The following BRAF variants were observed in gnomAD, a reference collection of about 807,000 sequenced individuals.
BRAF encodes serine/threonine-protein kinase B-raf.
A neutral mutation model predicts 104.6 loss-of-function variants in BRAF; 16 were observed. That is an observed-to-expected ratio of 0.15 (90% CI 0.10 to 0.23). The LOEUF (loss-of-function observed/expected upper bound fraction) is 0.23, where lower values mean the gene tolerates loss of function less well. Ranked by LOEUF, BRAF falls within the 10% of genes least tolerant of loss-of-function variation. The probability of loss-of-function intolerance (pLI) is 1.00; values close to 1 mark genes in which losing one functional copy is unlikely to be tolerated. For synonymous variants in BRAF, 310 were observed against 341.6 expected, an observed-to-expected ratio of 0.91 and a Z score of 1.02; for missense variants, 541 against 937.3, an observed-to-expected ratio of 0.58 and a Z score of 5.52.
intron 2 of BRAF, among the ~76,000 whole-genome samples, chr7:140,842,293 T>C (rs543062333): frequency 2.0e-4 from 30 of 152,322 alleles, no homozygotes; most frequent in South Asian, 1.5e-3. Flanking sequence ...TGTGCCTGAA[T>C]TGCTTCATTT....
intron 1 of BRAF, among the ~76,000 whole-genome samples, chr7:140,881,301 C>T (rs1312279280): frequency 6.6e-6 from 1 of 152,192 alleles, no homozygotes; most frequent in Non-Finnish European, 1.5e-5. Context: ...TAAGAGTCAG[C>T]CTGTCCTTTG....
intron 1 of BRAF, among the ~76,000 whole-genome samples, chr7:140,892,856 AGAG>A (rs1407576722): frequency 1.3e-5 from 2 of 152,344 alleles, no homozygotes; most frequent in Admixed American, 6.5e-5. Context: ...ACAGTTTGCT[AGAG>A]GAGAGAACTG....
intron 2 of BRAF, among the ~76,000 whole-genome samples, chr7:140,841,115 C>T (rs1452250414): frequency 6.6e-6 from 1 of 151,854 alleles, no homozygotes; most frequent in African/African-American, 2.4e-5. Flanking sequence ...ATACAAATGG[C>T]TAACAAGAAC....
chr7:140,910,054 T>C (rs1563032344), intron 1 of BRAF, among the ~76,000 whole-genome samples: 1 of 152,192 alleles, frequency 6.6e-6, no homozygotes, highest in Non-Finnish European at 1.5e-5. Context: ...AATAGTGTCC[T>C]CTTCCTCCAT....
intron 19 of BRAF, chr7:140,726,566 C>G: frequency 5.6e-6 from 8 of 1,429,444 alleles, no homozygotes; most frequent in South Asian, 4.9e-5. Context: ...CTCAAATAAC[C>G]TAGAGACACA....
chr7:140,897,496 T>TC (rs1260341416), intron 1 of BRAF, among the ~76,000 whole-genome samples: 2 of 138,448 alleles, frequency 1.4e-5, no homozygotes, highest in Non-Finnish European at 3.1e-5. Context: ...CTTTTTTCTT[T>TC]TTTTTTTTTT....
intron 19 of BRAF, chr7:140,731,565 G>C (rs940165265): frequency 1.3e-5 from 2 of 152,096 alleles, no homozygotes; most frequent in Non-Finnish European, 2.9e-5. Context: ...TGAGAGAAAG[G>C]CCATTTAAGC....
chr7:140,726,590 T>C, intron 19 of BRAF: 1 of 1,259,428 alleles, frequency 7.9e-7, no homozygotes, highest in African/African-American at 1.5e-5. Flanking sequence ...AAGCCTCATT[T>C]GAGCTTCACT....
rs1051968595 is a variant in BRAF at position 140,728,225 on chromosome 7, T to C, written c.2402-1709A>G. Among the ~76,000 whole-genome samples, 5 of 152,154 alleles carry C rather than the reference T, an allele frequency of 3.3e-5. No individual in the cohort carries two copies. In the East Asian group the frequency reaches 9.6e-4, roughly 29 times the overall value. On this transcript the variant is annotated intron_variant, in intron 19 of 19. Transcript: ENST00000644969. The stretch of plus-strand genomic sequence containing the variant: ...ATGAGGCAGATGCTATCATCTATAT[T>C]ATATAGATGAGGAAGCCAGGGTTTA...
At chr7:140,843,581 C>T (rs191006968) in intron 2 of BRAF, among the ~76,000 whole-genome samples, 1 of 152,310 alleles carries the variant, frequency 6.6e-6, no homozygotes, top group African/African-American at 2.4e-5. Context: ...AATTTCCCAT[C>T]TCTCTGCTTT....
chr7:140,830,251 T>C (rs1806574621), intron 3 of BRAF, among the ~76,000 whole-genome samples: 1 of 152,228 alleles, frequency 6.6e-6, no homozygotes, highest in Non-Finnish European at 1.5e-5. Context: ...GTCATATTTA[T>C]AAATAAAAAT....
chr7:140,840,158 T>C (rs10280111), intron 2 of BRAF, among the ~76,000 whole-genome samples: 4,375 of 152,268 alleles, frequency 0.029, 210 homozygotes, highest in African/African-American at 0.098. Context: ...TATACTAGAC[T>C]TTGCTCTTAC....
chr7:140,756,601 T>C (rs1798225994), intron 14 of BRAF, among the ~76,000 whole-genome samples: 1 of 150,790 alleles, frequency 6.6e-6, no homozygotes, highest in Non-Finnish European at 1.5e-5. Flanking sequence ...TGTTTGGGAG[T>C]AGGGAAGGGA....
At chr7:140,770,692 T>C (rs776221373) in intron 14 of BRAF, among the ~76,000 whole-genome samples, 1 of 151,968 alleles carries the variant, frequency 6.6e-6, no homozygotes, top group Non-Finnish European at 1.5e-5. Context: ...TCCCAGCACT[T>C]TGGGAGGCCG....
At chr7:140,727,653 C>T (rs1795683301) in intron 19 of BRAF, among the ~76,000 whole-genome samples, 1 of 149,826 alleles carries the variant, frequency 6.7e-6, no homozygotes, top group African/African-American at 2.5e-5. Flanking sequence ...CGGAGTCTTG[C>T]TCTGTTACCC....
chr7:140,866,806 G>C (rs1586462941), intron 1 of BRAF, among the ~76,000 whole-genome samples: 1 of 151,998 alleles, frequency 6.6e-6, no homozygotes, highest in South Asian at 2.1e-4. Context: ...GACTCTCAGA[G>C]AGTTAAGATG....
chr7:140,924,677 A>T lies in BRAF; in HGVS notation c.27T>A (p.Gly9=). The change falls in exon 1 of 20, where the codon GGT becomes GGA. Residue 9 remains glycine (G), a synonymous_variant. Transcript: ENST00000644969. This position sits in a 1 kb window ranked among gnomAD's most constrained non-coding sequence, Gnocchi z 4.2. MAALSGGG[G]GGAEPGQALF... ...GAGCCTGGCCCGGCTCCGCGCCGCC[A>T]CCACCGCCACCGCTCAGCGCCGCCA... 1.7e-6 allele frequency: 2 copies of T among 1,170,558 alleles called. No homozygotes were observed. Among genetic ancestry groups the T allele is most frequent in the Non-Finnish European group, 2.4e-6 (2 of 830,090 alleles). The allele number at this position is 1,170,558 out of a possible 1,614,324, so 72.5% of individuals were successfully genotyped here. A position where few individuals can be genotyped will look rare whatever the true frequency, so the allele number is the denominator to read the frequency against.
At position 140,722,305 on chromosome 7, in the gene BRAF, TTACC is replaced by T. The variant is rs534104227; in HGVS notation, c.*4185_*4188del. 1.2e-3 allele frequency: 1,277 copies of T among 1,056,096 alleles called. 6 individuals carry two copies. In the South Asian group the frequency reaches 0.014, roughly 11 times the overall value. 65.4% of individuals were successfully genotyped at this position (1,056,096 alleles called of 1,614,324 possible). A position where few individuals can be genotyped will look rare whatever the true frequency, so the allele number is the denominator to read the frequency against. On this transcript the variant is annotated 3_prime_UTR_variant, in exon 20 of 20. Transcript: ENST00000644969. ...TTTGGCTATAAACTCTTTAGTGCAT[TTACC>T]TATGCAGTCTAAATTGCACTCTAAA...
At chr7:140,918,546 G>A (rs1449736607) in intron 1 of BRAF, among the ~76,000 whole-genome samples, 2 of 152,164 alleles carry the variant, frequency 1.3e-5, no homozygotes, top group Non-Finnish European at 2.9e-5. Flanking sequence ...TGGTATAGAG[G>A]CACTAAACAG....
Sources: gnomAD v4.1 joint callset for allele counts (sites outside exome capture counted in the v4.1 genomes callset) on GRCh38, gnomAD v4.1.1 for gene constraint, Gnocchi (gnomAD v3.1) non-coding constraint, MANE v1.5 for transcripts, NCBI Gene and HGNC (gene_info 2026-07-23, HGNC 2026-07-21) for gene names.